The following MGAT5 variants were observed in gnomAD, a reference collection of about 807,000 sequenced individuals.
The protein encoded by MGAT5 is alpha-1,6-mannosylglycoprotein 6-beta-N-acetylglucosaminyltransferase A.
A neutral mutation model predicts 94.3 loss-of-function variants in MGAT5; 30 were observed. The observed-to-expected ratio is 0.32, with a 90% CI of 0.24 to 0.43. The LOEUF is 0.43. Ranked by LOEUF, MGAT5 falls within the 20% of genes least tolerant of loss-of-function variation. The pLI, the probability that MGAT5 is intolerant of heterozygous loss-of-function variation, is 1.00. For missense variants in MGAT5, 691 were observed against 905.5 expected (o/e 0.76, Z 3.04); for synonymous variants, 310 against 322.9 (o/e 0.96, Z 0.43).
chr2:134,400,822 T>C (rs1481622731), intron 10 of MGAT5, among the ~76,000 whole-genome samples: 3 of 152,182 alleles, frequency 2.0e-5, no homozygotes, highest in Non-Finnish European at 4.4e-5. Flanking sequence ...TCTCCTGCTT[T>C]AAGGCCAGCA....
intron 1 of MGAT5, among the ~76,000 whole-genome samples, chr2:134,152,387 G>A (rs1162715947): frequency 3.2e-5 from 4 of 125,576 alleles, no homozygotes; most frequent in South Asian, 2.7e-4. Context: ...ACCGCCATGG[G>A]ACCTCACTCA....
chr2:134,353,902 A>C (rs1006477187), intron 9 of MGAT5, among the ~76,000 whole-genome samples: 5 of 152,166 alleles, frequency 3.3e-5, no homozygotes, highest in African/African-American at 1.2e-4. Context: ...CAAAAAAAAA[A>C]AATAGTTCCT....
intron 3 of MGAT5, among the ~76,000 whole-genome samples, chr2:134,318,240 C>G (rs10928488): frequency 0.97 from 146,994 of 152,262 alleles, 71,055 homozygotes; most frequent in East Asian, 1. Flanking sequence ...CAACGCTCGT[C>G]CGTGCCCTCC....
chr2:134,342,890 A>G (rs2106010664), intron 7 of MGAT5, among the ~76,000 whole-genome samples: 2 of 152,264 alleles, frequency 1.3e-5, no homozygotes, highest in Middle Eastern at 6.8e-3. Context: ...TACAACTAAT[A>G]TATTAAAAAT....
intron 14 of MGAT5, among the ~76,000 whole-genome samples, chr2:134,434,279 C>T (rs1056197338): frequency 1.3e-5 from 2 of 152,206 alleles, no homozygotes; most frequent in Non-Finnish European, 2.9e-5. Flanking sequence ...CTCACCTCTT[C>T]TTCAGGGTTG....
rs1219924071 is a variant in MGAT5, at chr2:134,450,066, C to G, written c.*1219C>G. 6.6e-6 allele frequency: 1 copy of G among 152,294 alleles called. No individual in the cohort carries two copies. Among genetic ancestry groups the G allele is most frequent in the Non-Finnish European group, 1.5e-5 (1 of 68,128 alleles). 9.4% of individuals were successfully genotyped at this position (152,294 alleles called of 1,614,324 possible). ...TCTGACTTGTTGAGTAATCAGTCATCAGGTTGGCCTGGTCAGACACACTGG... is the reference window on the plus strand; with the variant it reads ...TCTGACTTGTTGAGTAATCAGTCATGAGGTTGGCCTGGTCAGACACACTGG... On this transcript the variant is annotated 3_prime_UTR_variant, in exon 16 of 16. Transcript: ENST00000281923.
In MGAT5 at chr2:134,268,592, A is replaced by T. The variant is rs79089718; in HGVS notation, c.242-1794A>T. On this transcript the variant is annotated intron_variant, in intron 1 of 15. Coordinates refer to ENST00000281923, the MANE Select transcript of MGAT5 (RefSeq NM_002410.5). This position sits in a 1 kb window ranked among gnomAD's most constrained non-coding sequence, Gnocchi z 4.1. ...GCTCTCATGACCCCTTGGATAAAGCAGTGAAGCTTTGCATCACCTGAGGAG... is the reference window on the plus strand; with the variant it reads ...GCTCTCATGACCCCTTGGATAAAGCTGTGAAGCTTTGCATCACCTGAGGAG... 0.012 allele frequency among the ~76,000 whole-genome samples: 1,810 copies of T among 152,334 alleles called. 39 individuals carry two copies. The highest frequency in any genetic ancestry group is 0.042 in the African/African-American group (1,736 of 41,566).
intron 2 of MGAT5, among the ~76,000 whole-genome samples, chr2:134,282,807 T>G (rs934132019): frequency 1.7e-4 from 26 of 152,182 alleles, no homozygotes; most frequent in African/African-American, 6.0e-4. Context: ...AAAGCCTCTC[T>G]GAAGAAGAGA....
intron 1 of MGAT5, among the ~76,000 whole-genome samples, chr2:134,257,529 A>C (rs1456951481): frequency 6.6e-6 from 1 of 152,126 alleles, no homozygotes; most frequent in Non-Finnish European, 1.5e-5. Context: ...GCCTGGTTTT[A>C]GTTATTTCAA....
Position 134,443,680 on chromosome 2 carries a change from G to C in MGAT5, c.2027+1765G>C, listed in dbSNP as rs564961003. ...GTCTGGAAAGCCTGTGATGGTACTG[G>C]AAGTTTCCAGTTCCACAGCGCAAAT... On this transcript the variant is annotated intron_variant, in intron 15 of 15. Coordinates refer to ENST00000281923, the MANE Select transcript of MGAT5 (RefSeq NM_002410.5). 5.9e-4 allele frequency among the ~76,000 whole-genome samples: 90 copies of C among 152,328 alleles called. 1 individual carries two copies. Among genetic ancestry groups the C allele is most frequent in the Non-Finnish European group, 6.0e-4 (41 of 68,028 alleles).
intron 6 of MGAT5, 136 bp from the exon 7 acceptor site, chr2:134,341,454 A>G: frequency 1.4e-6 from 1 of 699,518 alleles, no homozygotes; most frequent in Middle Eastern, 3.8e-4. Flanking sequence ...ACCTTCTAGA[A>G]AAACAGCATT....
chr2:134,339,404 A>T (rs1439175828), intron 6 of MGAT5, among the ~76,000 whole-genome samples: 1 of 152,216 alleles, frequency 6.6e-6, no homozygotes, highest in Non-Finnish European at 1.5e-5. Flanking sequence ...ATACATAAAG[A>T]TATATACAGA....
chr2:134,406,038 G>A (rs1478637329), intron 11 of MGAT5, among the ~76,000 whole-genome samples: 1 of 152,216 alleles, frequency 6.6e-6, no homozygotes, highest in African/African-American at 2.4e-5. Flanking sequence ...ATTCAGTCCA[G>A]CAAACCCCAG....
At chr2:134,191,062 C>T (rs563275828) in intron 1 of MGAT5, among the ~76,000 whole-genome samples, 19 of 152,312 alleles carry the variant, frequency 1.2e-4, no homozygotes, top group Admixed American at 2.6e-4. Context: ...GTTCCCAAGC[C>T]GAAACTGTGT....
chr2:134,327,330 AC>A (rs1239584102), intron 4 of MGAT5, among the ~76,000 whole-genome samples: 4 of 152,016 alleles, frequency 2.6e-5, no homozygotes, highest in Non-Finnish European at 5.9e-5. Flanking sequence ...CATATACTAT[AC>A]TTTTTTCTTC....
intron 12 of MGAT5, among the ~76,000 whole-genome samples, chr2:134,421,187 G>A (rs1684268477): frequency 6.6e-6 from 1 of 152,208 alleles, no homozygotes; most frequent in South Asian, 2.1e-4. Flanking sequence ...CTGAAATGAT[G>A]ACAGCTCATT....
At chr2:134,304,958 G>C (rs1686241452) in intron 2 of MGAT5, among the ~76,000 whole-genome samples, 2 of 152,112 alleles carry the variant, frequency 1.3e-5, no homozygotes, top group Non-Finnish European at 2.9e-5. Context: ...TGGCTTGTAG[G>C]TTTCATATCA....
At chr2:134,428,647 T>C (rs562812207) in intron 14 of MGAT5, among the ~76,000 whole-genome samples, 63 of 152,286 alleles carry the variant, frequency 4.1e-4, no homozygotes, top group African/African-American at 1.4e-3. Flanking sequence ...GATGACAGTG[T>C]AAGGTGAAAT....
Position 134,281,560 on chromosome 2 carries a change from A to T in MGAT5, c.406+11010A>T, listed in dbSNP as rs1684697384. ...GAAATGACCTTCAAACACTATAGCC[A>T]TCTCAGGATAGGGATAGCAATGATG... On this transcript the variant is annotated intron_variant, in intron 2 of 15. Coordinates refer to ENST00000281923, the MANE Select transcript of MGAT5 (RefSeq NM_002410.5). Among the ~76,000 whole-genome samples the T allele has an allele frequency of 2.6e-5, 4 of 152,322 alleles. No homozygotes were observed. In the South Asian group the frequency reaches 8.3e-4, roughly 32 times the overall value.
Sources: allele counts gnomAD v4.1 joint callset (sites outside exome capture counted in the v4.1 genomes callset), GRCh38; gene constraint gnomAD v4.1.1; non-coding constraint Gnocchi (gnomAD v3.1); transcripts MANE v1.5; gene names NCBI Gene and HGNC (gene_info 2026-07-23, HGNC 2026-07-21).